The following ATR variants were observed in gnomAD, a reference collection of about 807,000 sequenced individuals.
ATR encodes serine/threonine-protein kinase ATR.
In ATR, 142 loss-of-function variants were observed where a neutral mutation model predicts 305.3. The ratio of observed to expected loss-of-function variants is 0.47; its 90% confidence interval spans 0.41 to 0.53. ATR has a LOEUF of 0.53. Among genes scored for constraint, ATR ranks in the 20% least tolerant of loss-of-function variants. The pLI, the probability that ATR is intolerant of heterozygous loss-of-function variation, is 0.00. For missense variants in ATR, 2,135 were observed against 3,133.1 expected (o/e 0.68, Z 7.60); for synonymous variants, 1,050 against 1,068.1 (o/e 0.98, Z 0.33).
chr3:142,499,967 T>C, intron 30 of ATR: 1 of 394,650 alleles, frequency 2.5e-6, no homozygotes, highest in South Asian at 2.7e-5. Context: ...CTTCAACAAA[T>C]TAAAGTGTGC....
At chr3:142,456,035 G>T (rs2070897536) in intron 45 of ATR, among the ~76,000 whole-genome samples, 1 of 152,186 alleles carries the variant, frequency 6.6e-6, no homozygotes, top group Non-Finnish European at 1.5e-5. Context: ...TTGCAACTTG[G>T]CTGGGCGGGG....
At chr3:142,453,384 T>G in intron 45 of ATR, 151 bp from the exon 46 acceptor site, 1 of 1,140,900 alleles carries the variant, frequency 8.8e-7, no homozygotes, top group Non-Finnish European at 1.2e-6. Context: ...AAATTTCTGT[T>G]TTGGTGTGAG....
At chr3:142,568,229 G>T (rs1421115043) in intron 1 of ATR, 75 bp from the exon 2 acceptor site, 3 of 1,128,176 alleles carry the variant, frequency 2.7e-6, no homozygotes, top group South Asian at 2.6e-5. Flanking sequence ...CTCTAAAGTA[G>T]AACTCATCAA....
At chr3:142,450,151 G>A in intron 46 of ATR, 1 of 422,728 alleles carries the variant, frequency 2.4e-6, no homozygotes, top group East Asian at 4.8e-5. Context: ...CCACGGGGTG[G>A]AGACTGTTGC....
At chr3:142,559,061 G>A in intron 7 of ATR, 190 bp downstream of exon 7, 1 of 665,954 alleles carries the variant, frequency 1.5e-6, no homozygotes, top group East Asian at 2.8e-5. Context: ...ATTGACTAAA[G>A]AATCAAAATA....
rs1170777891 is a variant in ATR at position 142,476,716 on chromosome 3, C to G, written c.6222-6533G>C. The stretch of plus-strand genomic sequence containing the variant: ...GCCATTTTCACGATATTGATTCTTC[C>G]TATCCATGAGCATGGAATGTTCTTC... On this transcript the variant is annotated intron_variant, in intron 36 of 46. Coordinates refer to ENST00000350721, the MANE Select transcript of ATR (RefSeq NM_001184.4). Among the ~76,000 whole-genome samples the G allele has an allele frequency of 7.9e-5, 12 of 152,286 alleles. No individual in the cohort carries two copies. In the South Asian group the frequency reaches 1.9e-3, roughly 24 times the overall value.
intron 3 of ATR, among the ~76,000 whole-genome samples, chr3:142,565,659 G>C (rs142290514): frequency 1.3e-4 from 20 of 149,654 alleles, no homozygotes; most frequent in African/African-American, 4.9e-4. Flanking sequence ...TATGCAGGAG[G>C]CTGAGGCAGG....
Position 142,453,264 on chromosome 3 carries a change from G to A in ATR, c.7656-31C>T, listed in dbSNP as rs756942523. 6.2e-6 allele frequency: 10 copies of A among 1,602,424 alleles called. No homozygotes were observed. In the Admixed American group the frequency reaches 1.0e-4, roughly 16 times the overall value. ...ATTGAAACAAATATTATGGTATGAT[G>A]TTATCTTTGCAAGAAGAAATCTTGC... On this transcript the variant is annotated intron_variant, in intron 45 of 46. Coordinates refer to ENST00000350721, the MANE Select transcript of ATR (RefSeq NM_001184.4).
At chr3:142,473,803 C>T (rs1043219762) in intron 36 of ATR, among the ~76,000 whole-genome samples, 8 of 151,900 alleles carry the variant, frequency 5.3e-5, no homozygotes, top group African/African-American at 1.2e-4. Context: ...ACCTCAGCCT[C>T]GCTATGATTA....
intron 5 of ATR, 138 bp from the exon 6 acceptor site, chr3:142,560,592 A>C (rs990284605): frequency 6.0e-6 from 4 of 661,912 alleles, no homozygotes; most frequent in East Asian, 3.0e-5. Context: ...ACAGAGTCTC[A>C]CTCTGTCTCC....
intron 24 of ATR, 131 bp downstream of exon 24, chr3:142,519,538 G>A (rs1042401154): frequency 1.5e-6 from 1 of 675,572 alleles, no homozygotes; most frequent in Non-Finnish European, 2.6e-6. Context: ...CTGACCTCGT[G>A]ATCCGCCCGC....
intron 21 of ATR, among the ~76,000 whole-genome samples, chr3:142,533,406 C>T (rs1408027041): frequency 6.6e-6 from 1 of 152,180 alleles, no homozygotes; most frequent in African/African-American, 2.4e-5. Flanking sequence ...CTAGTGGCTA[C>T]TGCTGAAGAG....
Position 142,456,022 on chromosome 3 carries a change from C to T in ATR, c.7655+1582G>A, listed in dbSNP as rs1255560703. Among the ~76,000 whole-genome samples, 3 of 152,280 alleles carry T rather than the reference C, an allele frequency of 2.0e-5. No homozygotes were observed. The East Asian group carries it at 5.8e-4, about 29-fold the overall frequency. ...TCTTGTATCCAAAATGTGTAAAGAA[C>T]TCTTGCAACTTGGCTGGGCGGGGTG... On this transcript the variant is annotated intron_variant, in intron 45 of 46. Coordinates refer to ENST00000350721, the MANE Select transcript of ATR (RefSeq NM_001184.4).
At chr3:142,484,848 T>C (rs943831773) in intron 36 of ATR, among the ~76,000 whole-genome samples, 2 of 152,194 alleles carry the variant, frequency 1.3e-5, no homozygotes, top group Non-Finnish European at 2.9e-5. Context: ...TCTTTGGTCA[T>C]GTAAGTCTTC....
At chr3:142,465,648 T>C (rs1197881694) in intron 40 of ATR, 1 of 160,298 alleles carries the variant, frequency 6.2e-6, no homozygotes, top group Non-Finnish European at 1.4e-5. Flanking sequence ...AAAAACAAAC[T>C]CCTTCAAAAT....
intron 27 of ATR, 144 bp from the exon 28 acceptor site, chr3:142,508,253 C>G (rs2032358234): frequency 2.8e-6 from 2 of 702,418 alleles, no homozygotes; most frequent in Non-Finnish European, 4.5e-6. Context: ...TAACTAACAA[C>G]AGAACAATTG....
At position 142,561,232 on chromosome 3, in the gene ATR, G is replaced by A. The variant is rs779134893; in HGVS notation, c.1349+11C>T. ...AATGGCTAAATACAAACTGAATGAA[G>A]GTCATCATACTCCTCAGTCTGTTTT... is the stretch of plus-strand genomic sequence containing the variant. On this transcript the variant is annotated intron_variant, in intron 5 of 46. Coordinates refer to ENST00000350721, the MANE Select transcript of ATR (RefSeq NM_001184.4). 1 of 1,611,582 alleles carries A rather than the reference G, an allele frequency of 6.2e-7. No homozygotes were observed. Among genetic ancestry groups the A allele is most frequent in the Admixed American group, 1.7e-5 (1 of 59,978 alleles).
At chr3:142,451,890 G>T in intron 46 of ATR, 1 of 1,312,830 alleles carries the variant, frequency 7.6e-7, no homozygotes, top group South Asian at 1.2e-5. Flanking sequence ...ACAGGTTCAA[G>T]AACTGGTCAG....
At chr3:142,455,413 T>A (rs1055293008) in intron 45 of ATR, among the ~76,000 whole-genome samples, 13 of 152,300 alleles carry the variant, frequency 8.5e-5, no homozygotes, top group Non-Finnish European at 1.6e-4. Context: ...AAGCTGATTT[T>A]AAAATTAATA....
Sources: allele counts gnomAD v4.1 joint callset (sites outside exome capture counted in the v4.1 genomes callset), GRCh38; gene constraint gnomAD v4.1.1; transcripts MANE v1.5; gene names NCBI Gene and HGNC (gene_info 2026-07-23, HGNC 2026-07-21).